ZDHHC17: variants seen among roughly 807,000 people sequenced by gnomAD.
The protein encoded by ZDHHC17 is zDHHC palmitoyltransferase 17, also known as palmitoyltransferase ZDHHC17.
A neutral mutation model predicts 90.3 loss-of-function variants in ZDHHC17; 40 were observed. The observed-to-expected ratio is 0.44, with a 90% CI of 0.34 to 0.58. ZDHHC17 has a LOEUF of 0.58. Among genes scored for constraint, ZDHHC17 ranks in the 20% least tolerant of loss-of-function variants. The pLI is 0.01. For missense variants in ZDHHC17, 614 were observed against 780.8 expected, an observed-to-expected ratio of 0.79 and a Z score of 2.55; for synonymous variants, 235 against 252.4, an observed-to-expected ratio of 0.93 and a Z score of 0.65.
intron 1 of ZDHHC17, among the ~76,000 whole-genome samples, chr12:76,792,748 A>G (rs190037013): frequency 1.3e-5 from 2 of 152,322 alleles, no homozygotes; most frequent in East Asian, 3.9e-4. Context: ...AAATCATTTT[A>G]TGTTCCCCTT....
chr12:76,774,863 C>T (rs1047715808), intron 1 of ZDHHC17, among the ~76,000 whole-genome samples: 4 of 152,114 alleles, frequency 2.6e-5, no homozygotes, highest in Admixed American at 1.3e-4. Context: ...GTTGCATTAG[C>T]GAAATTGCAA....
chr12:76,796,276 C>G (rs1302875747), intron 1 of ZDHHC17, among the ~76,000 whole-genome samples: 1 of 152,064 alleles, frequency 6.6e-6, no homozygotes, highest in South Asian at 2.1e-4. Flanking sequence ...TATATTTACA[C>G]ATATGTTTGT....
chr12:76,773,377 A>G (rs1414386430), intron 1 of ZDHHC17, among the ~76,000 whole-genome samples: 1 of 152,122 alleles, frequency 6.6e-6, no homozygotes, highest in Non-Finnish European at 1.5e-5. Context: ...ACTTAGTAAT[A>G]TTCATTTAAA....
chr12:76,823,749 T>G (rs1375292764), intron 8 of ZDHHC17, among the ~76,000 whole-genome samples: 3 of 152,218 alleles, frequency 2.0e-5, no homozygotes, highest in African/African-American at 7.2e-5. Context: ...TTGGACTTCT[T>G]TAATCAGTTG....
intron 1 of ZDHHC17, among the ~76,000 whole-genome samples, chr12:76,788,781 C>G (rs1258649556): frequency 7.2e-6 from 1 of 138,504 alleles, no homozygotes; most frequent in African/African-American, 2.7e-5. Flanking sequence ...ACTGCAACCT[C>G]TGCCTCCCGG....
At chr12:76,815,832 T>C in intron 6 of ZDHHC17, 25 bp from the exon 7 acceptor site, 1 of 1,453,302 alleles carries the variant, frequency 6.9e-7, no homozygotes, top group Non-Finnish European at 9.1e-7. Flanking sequence ...TGTTGTTGTT[T>C]GTTTTTTTTT....
intron 1 of ZDHHC17, among the ~76,000 whole-genome samples, chr12:76,780,801 A>G (rs776432444): frequency 2.2e-4 from 34 of 152,188 alleles, no homozygotes; most frequent in Admixed American, 3.9e-4. Flanking sequence ...AGATAAAATT[A>G]GGTAGCCATT....
At chr12:76,817,173 GT>G (rs1309553314) in intron 7 of ZDHHC17, among the ~76,000 whole-genome samples, 1 of 152,038 alleles carries the variant, frequency 6.6e-6, no homozygotes, top group African/African-American at 2.4e-5. Context: ...CTTTTTGAAT[GT>G]TTTTAAATAG....
intron 2 of ZDHHC17, among the ~76,000 whole-genome samples, chr12:76,800,751 T>A (rs572167979): frequency 6.6e-6 from 1 of 152,320 alleles, no homozygotes; most frequent in South Asian, 2.1e-4. Flanking sequence ...AAAGTGTGTC[T>A]GTTGTAGATA....
At chr12:76,801,626 C>T (rs1321749445) in intron 2 of ZDHHC17, among the ~76,000 whole-genome samples, 1 of 151,904 alleles carries the variant, frequency 6.6e-6, no homozygotes, top group Non-Finnish European at 1.5e-5. Context: ...TGTGCTCCAG[C>T]CTGGGCTACA....
Position 76,846,687 on chromosome 12 carries a change from C to T in ZDHHC17, c.1507+8C>T. On this transcript the variant is annotated splice_region_variant and intron_variant, in intron 14 of 16. Coordinates refer to ENST00000426126, the MANE Select transcript of ZDHHC17 (RefSeq NM_015336.4). ...TTTATGGTTGTATATCTTGTGAGTA[C>T]AATTAGTTTTCGGTCTTTTTAAAAC... 6.3e-7 allele frequency: 1 copy of T among 1,598,128 alleles called. No homozygotes were observed.
At chr12:76,847,884 A>G (rs1235795314) in intron 14 of ZDHHC17, among the ~76,000 whole-genome samples, 1 of 152,094 alleles carries the variant, frequency 6.6e-6, no homozygotes. Context: ...TCACCATCCT[A>G]TTATGTTATA....
intron 5 of ZDHHC17, among the ~76,000 whole-genome samples, chr12:76,810,731 G>A (rs1953009744): frequency 6.6e-6 from 1 of 152,106 alleles, no homozygotes; most frequent in South Asian, 2.1e-4. Context: ...GTCTGTTACT[G>A]TGTTAAAAAA....
rs756024820 is a variant in ZDHHC17 at position 76,797,407 on chromosome 12, G to C, written c.94-27G>C. 1.8e-5 allele frequency: 28 copies of C among 1,522,618 alleles called. No individual in the cohort carries two copies. In the East Asian group the frequency reaches 3.4e-4, roughly 19 times the overall value. 94.3% of individuals were successfully genotyped at this position (1,522,618 alleles called of 1,614,324 possible). On this transcript the variant is annotated intron_variant, in intron 1 of 16. Coordinates refer to ENST00000426126, the MANE Select transcript of ZDHHC17 (RefSeq NM_015336.4). ...TTCTGTACCTCTTTTTTCAATTCTTGCCTGTGTGTGATTTTCTTTTTAACA... is the reference window on the plus strand; with the variant it reads ...TTCTGTACCTCTTTTTTCAATTCTTCCCTGTGTGTGATTTTCTTTTTAACA...
At chr12:76,813,604 T>A (rs530007906) in intron 5 of ZDHHC17, among the ~76,000 whole-genome samples, 16 of 152,108 alleles carry the variant, frequency 1.1e-4, no homozygotes, top group Admixed American at 1.0e-3. Context: ...TGCATAGAGA[T>A]AGTGTTTTAC....
chr12:76,817,539 A>G (rs1168496709), intron 7 of ZDHHC17, among the ~76,000 whole-genome samples: 2 of 152,258 alleles, frequency 1.3e-5, no homozygotes, highest in East Asian at 1.9e-4. Context: ...TGACAGTAAG[A>G]TGACTACACA....
chr12:76,820,924 T>A, intron 7 of ZDHHC17: 1 of 483,826 alleles, frequency 2.1e-6, no homozygotes, highest in South Asian at 1.8e-5. Context: ...CTCAGAACCC[T>A]GGTTTTAATA....
rs374390058 is a variant in ZDHHC17 at position 76,797,392 on chromosome 12, C to G, written c.94-42C>G. 9.0e-6 allele frequency: 13 copies of G among 1,442,028 alleles called. No individual in the cohort carries two copies. The African/African-American group carries it at 1.3e-4, about 14-fold the overall frequency. The allele number at this position is 1,442,028 out of a possible 1,614,324, so 89.3% of individuals were successfully genotyped here. Reference sequence around the variant, plus strand: ...AAATATAGAAATATTTTCTGTACCTCTTTTTTCAATTCTTGCCTGTGTGTG... The same window carrying G: ...AAATATAGAAATATTTTCTGTACCTGTTTTTTCAATTCTTGCCTGTGTGTG... On this transcript the variant is annotated intron_variant, in intron 1 of 16. Coordinates refer to ENST00000426126, the MANE Select transcript of ZDHHC17 (RefSeq NM_015336.4).
chr12:76,848,263 C>T lies in ZDHHC17; in HGVS notation c.1538C>T (p.Thr513Ile). The T allele has an allele frequency of 6.2e-7, 1 of 1,613,904 alleles. No individual in the cohort carries two copies. Among genetic ancestry groups the T allele is most frequent in the Non-Finnish European group, 8.5e-7 (1 of 1,179,852 alleles). The change falls in exon 15 of 17, where the codon ACC becomes ATC. Residue 513 changes from threonine to isoleucine, a missense_variant. Physicochemically the swap from Thr to Ile is moderately conservative, Grantham distance 89. Coordinates refer to ENST00000426126, the MANE Select transcript of ZDHHC17 (RefSeq NM_015336.4). ...YWGLHCETTY[T>I]KDGFWTYITQ... ...GGACTCCACTGTGAGACCACTTACACCAAGGATGGATTTTGGACATACATT... is the reference window on the plus strand; with the variant it reads ...GGACTCCACTGTGAGACCACTTACATCAAGGATGGATTTTGGACATACATT...
Sources: allele counts gnomAD v4.1 joint callset (sites outside exome capture counted in the v4.1 genomes callset), GRCh38; gene constraint gnomAD v4.1.1; transcripts MANE v1.5; gene names NCBI Gene and HGNC (gene_info 2026-07-23, HGNC 2026-07-21).